BMAL1: variants seen among roughly 807,000 people sequenced by gnomAD.
BMAL1 encodes basic helix-loop-helix ARNT like 1.
At chr11:13,293,878 C>T in the BMAL1 span, among the ~76,000 whole-genome samples, 36 of 152,320 alleles carry the variant, frequency 2.4e-4, no homozygotes, top group Admixed American at 8.5e-4. Context: ...ATGAAACCTT[C>T]CCAAGGCCAC....
chr11:13,386,805 G>A, the BMAL1 span: 2 of 1,589,950 alleles, frequency 1.3e-6, no homozygotes, highest in Non-Finnish European at 8.6e-7. Flanking sequence ...GTGCATTACT[G>A]GTGGAGTTTT....
chr11:13,369,431 A>AT, the BMAL1 span, among the ~76,000 whole-genome samples: 1 of 152,172 alleles, frequency 6.6e-6, no homozygotes, highest in Non-Finnish European at 1.5e-5. Context: ...ATTTATAAAC[A>AT]TTTCCAGACT....
chr11:13,327,170 G>C, the BMAL1 span, among the ~76,000 whole-genome samples: 2 of 151,864 alleles, frequency 1.3e-5, no homozygotes, highest in Non-Finnish European at 2.9e-5. Flanking sequence ...TGAGGTGGGA[G>C]GTCACTTGAG....
chr11:13,360,558 T>A, the BMAL1 span: 10 of 721,248 alleles, frequency 1.4e-5, no homozygotes, highest in Non-Finnish European at 2.3e-5. Context: ...GGTCCCTCCC[T>A]TTATCTTATT....
chr11:13,376,672 T>TC, the BMAL1 span: 1 of 1,614,030 alleles, frequency 6.2e-7, no homozygotes, highest in Non-Finnish European at 8.5e-7. Flanking sequence ...GACCCAACCT[T>TC]CCCACAGCTC....
At chr11:13,365,515 T>C in the BMAL1 span, 1 of 1,613,426 alleles carries the variant, frequency 6.2e-7, no homozygotes, top group African/African-American at 1.3e-5. Flanking sequence ...AGATGGATTT[T>C]TGTTTGTCGT....
chr11:13,340,453 C>T, the BMAL1 span, among the ~76,000 whole-genome samples: 1 of 152,208 alleles, frequency 6.6e-6, no homozygotes, highest in Admixed American at 6.5e-5. Flanking sequence ...TGTCCTAGTC[C>T]AAGCTTCTCA....
chr11:13,331,221 G>A, the BMAL1 span, among the ~76,000 whole-genome samples: 5 of 152,328 alleles, frequency 3.3e-5, no homozygotes, highest in South Asian at 1.0e-3. Context: ...CAAGATATGT[G>A]TATATAACAG....
At chr11:13,370,526 C>T in the BMAL1 span, among the ~76,000 whole-genome samples, 95 of 152,308 alleles carry the variant, frequency 6.2e-4, no homozygotes, top group East Asian at 0.017. Context: ...TGCTAGAAGC[C>T]GGGGAGGTGC....
chr11:13,375,816 G>A, the BMAL1 span: 6 of 1,484,580 alleles, frequency 4.0e-6, no homozygotes, highest in Non-Finnish European at 5.4e-6. Context: ...GATGCCTAGG[G>A]TTCCTCATCT....
At chr11:13,381,339 T>G in the BMAL1 span, 1 of 1,296,148 alleles carries the variant, frequency 7.7e-7, no homozygotes, top group Non-Finnish European at 1.1e-6. Flanking sequence ...GAATTGCAAC[T>G]GCGATTGCTG....
the BMAL1 span, chr11:13,387,087 T>G: frequency 1.3e-4 from 27 of 202,736 alleles, no homozygotes; most frequent in Non-Finnish European, 1.9e-4. Flanking sequence ...CAAATGGTCA[T>G]TTCAGATGTA....
At chr11:13,384,141 C>G in the BMAL1 span, among the ~76,000 whole-genome samples, 1 of 152,118 alleles carries the variant, frequency 6.6e-6, no homozygotes. Context: ...TGAAGTGAAC[C>G]TGTCACTTTA....
chr11:13,360,452 A>G, the BMAL1 span: 45 of 1,594,426 alleles, frequency 2.8e-5, no homozygotes, highest in Non-Finnish European at 3.6e-5. Flanking sequence ...ATTGTTTTAC[A>G]ACGTTTGTTT....
the BMAL1 span, among the ~76,000 whole-genome samples, chr11:13,358,216 T>A: frequency 5.3e-5 from 8 of 152,226 alleles, no homozygotes; most frequent in Non-Finnish European, 1.2e-4. Flanking sequence ...TCCTGAATTC[T>A]AAAGATGAGG....
the BMAL1 span, among the ~76,000 whole-genome samples, chr11:13,320,607 G>A: frequency 6.6e-6 from 1 of 152,128 alleles, no homozygotes; most frequent in Admixed American, 6.5e-5. Flanking sequence ...TATTTGTCAG[G>A]TGCCTCTCAG....
the BMAL1 span, among the ~76,000 whole-genome samples, chr11:13,308,631 A>G: frequency 3.9e-5 from 6 of 152,362 alleles, no homozygotes; most frequent in Admixed American, 3.9e-4. Flanking sequence ...CAATGGATGT[A>G]GCAAAATGCA....
chr11:13,337,272 ATT>A, the BMAL1 span, among the ~76,000 whole-genome samples: 2 of 151,502 alleles, frequency 1.3e-5, no homozygotes, highest in Admixed American at 1.3e-4. Flanking sequence ...ATTCTGGTGA[ATT>A]TTTTTTTGTC....
the BMAL1 span, among the ~76,000 whole-genome samples, chr11:13,334,682 C>G: frequency 6.6e-6 from 1 of 152,216 alleles, no homozygotes; most frequent in Non-Finnish European, 1.5e-5. Flanking sequence ...AATATTCAGT[C>G]TCAGAGAACA....
Sources: gnomAD v4.1 joint callset for allele counts (sites outside exome capture counted in the v4.1 genomes callset) on GRCh38, gnomAD v4.1.1 for gene constraint, MANE v1.5 for transcripts, NCBI Gene and HGNC (gene_info 2026-07-23, HGNC 2026-07-21) for gene names.